Variants in SRGAP2 observed in about 807,000 individuals in gnomAD.
The protein encoded by SRGAP2 is SLIT-ROBO Rho GTPase-activating protein 2.
Under a neutral mutation model 57.2 loss-of-function variants are expected in SRGAP2, and 15 were observed. The observed-to-expected ratio is 0.26, with a 90% CI of 0.18 to 0.40. SRGAP2 has a LOEUF of 0.40. SRGAP2 is among the 10% of genes least tolerant of loss of function. SRGAP2 has a pLI of 1.00. For synonymous variants in SRGAP2, 249 were observed against 248.0 expected, an observed-to-expected ratio of 1.00 and a Z score of -0.04; for missense variants, 520 against 669.6, an observed-to-expected ratio of 0.78 and a Z score of 2.47.
intron 21 of SRGAP2, among the ~76,000 whole-genome samples, chr1:206,457,438 G>T (rs1663933356): frequency 6.6e-6 from 1 of 152,208 alleles, no homozygotes; most frequent in Non-Finnish European, 1.5e-5. Flanking sequence ...CATTCTTCCT[G>T]CAACTGGAGT....
At chr1:206,278,693 C>A (rs1179708458) in intron 2 of SRGAP2, among the ~76,000 whole-genome samples, 34 of 149,156 alleles carry the variant, frequency 2.3e-4, no homozygotes, top group Middle Eastern at 3.5e-3. Flanking sequence ...GGGTAGGGAG[C>A]TTTTAGATGA....
Position 206,240,265 on chromosome 1 carries a change from CAA to C in SRGAP2, c.67+34247_67+34248del, listed in dbSNP as rs72152960. Among the ~76,000 whole-genome samples the C allele has an allele frequency of 2.2e-3, 187 of 84,086 alleles. 1 individual carries two copies. The highest frequency in any genetic ancestry group is 4.0e-3 in the Admixed American group (31 of 7,722). The allele number at this position is 84,086 out of a possible 152,430, so 55.2% of individuals were successfully genotyped here. A position where few individuals can be genotyped will look rare whatever the true frequency, so the allele number is the denominator to read the frequency against. Reference sequence around the variant, plus strand: ...TGGGCAACAGAGTGAGACAACGTCTCAAAAAAAAAAAAAAAAAAAAGACATTG... The same window carrying C: ...TGGGCAACAGAGTGAGACAACGTCTCAAAAAAAAAAAAAAAAAAGACATTG... On this transcript the variant is annotated intron_variant, in intron 2 of 22. Coordinates refer to ENST00000573034, the MANE Select transcript of SRGAP2 (RefSeq NM_015326.5).
intron 15 of SRGAP2, 159 bp from the exon 16 acceptor site, chr1:206,437,805 A>G (rs1661903372): frequency 3.2e-6 from 2 of 627,126 alleles, no homozygotes; most frequent in South Asian, 1.9e-5. Context: ...TCTTTGCTTT[A>G]TCTGTTCCCT....
chr1:206,425,040 T>C (rs1415737436), intron 13 of SRGAP2, among the ~76,000 whole-genome samples: 1 of 152,216 alleles, frequency 6.6e-6, no homozygotes, highest in Non-Finnish European at 1.5e-5. Flanking sequence ...GCCAACCCTT[T>C]GTACTTGCCT....
chr1:206,299,854 TTCCTTC>T (rs1369900627), intron 2 of SRGAP2, among the ~76,000 whole-genome samples: 2 of 151,722 alleles, frequency 1.3e-5, no homozygotes, highest in African/African-American at 2.4e-5. Flanking sequence ...TCTCCTCCTT[TTCCTTC>T]TCCTTCTCCA....
intron 20 of SRGAP2, 98 bp downstream of exon 20, chr1:206,453,478 C>G (rs1003246074): frequency 4.2e-6 from 2 of 477,138 alleles, no homozygotes; most frequent in African/African-American, 4.1e-5. Context: ...GGAGGCCAAC[C>G]CCTGGGGGGT....
chr1:206,292,768 G>A (rs1423560199), intron 2 of SRGAP2, among the ~76,000 whole-genome samples: 3 of 150,392 alleles, frequency 2.0e-5, no homozygotes, highest in African/African-American at 7.5e-5. Context: ...CTTCCTAACT[G>A]CCATCTATAA....
intron 1 of SRGAP2, chr1:206,204,140 A>G (rs1665647343): frequency 2.2e-6 from 1 of 450,092 alleles, no homozygotes. Flanking sequence ...GCCCCGATGG[A>G]CTTCTCTTCG....
chr1:206,443,828 T>A (rs565629547), intron 17 of SRGAP2, among the ~76,000 whole-genome samples: 1 of 152,244 alleles, frequency 6.6e-6, no homozygotes, highest in Non-Finnish European at 1.5e-5. Flanking sequence ...ATGTGAATTT[T>A]TCTGGGGAGA....
intron 2 of SRGAP2, among the ~76,000 whole-genome samples, chr1:206,277,918 G>T (rs1258626120): frequency 3.2e-4 from 48 of 151,970 alleles, no homozygotes; most frequent in Admixed American, 4.6e-4. Flanking sequence ...GTCAGGGTTT[G>T]CAGTGAGCCA....
At chr1:206,253,928 G>A in intron 2 of SRGAP2, among the ~76,000 whole-genome samples, 1 of 142,176 alleles carries the variant, frequency 7.0e-6, no homozygotes, top group African/African-American at 2.7e-5. Flanking sequence ...AATTATGACT[G>A]CAAAGGAAGT....
chr1:206,425,071 A>C (rs1382572430), intron 13 of SRGAP2, among the ~76,000 whole-genome samples: 2 of 152,050 alleles, frequency 1.3e-5, no homozygotes, highest in African/African-American at 2.4e-5. Flanking sequence ...CTGATATTCC[A>C]TTTCCTGCAG....
intron 2 of SRGAP2, among the ~76,000 whole-genome samples, chr1:206,239,367 T>G (rs1328834356): frequency 1.3e-5 from 2 of 150,642 alleles, no homozygotes; most frequent in African/African-American, 4.9e-5. Context: ...CCTTCTTTAG[T>G]CCCCCTTCCC....
intron 22 of SRGAP2, 98 bp from the exon 23 acceptor site, chr1:206,460,939 G>T: frequency 1.7e-6 from 1 of 603,942 alleles, no homozygotes. Flanking sequence ...GACATCTTAC[G>T]GTCATTTTCT....
chr1:206,241,231 TGA>T (rs1668207115), intron 2 of SRGAP2, among the ~76,000 whole-genome samples: 1 of 152,192 alleles, frequency 6.6e-6, no homozygotes, highest in Non-Finnish European at 1.5e-5. Context: ...GAAATGGGTT[TGA>T]GAGAGAAGAA....
intron 4 of SRGAP2, among the ~76,000 whole-genome samples, chr1:206,376,959 G>A (rs1389386157): frequency 6.6e-6 from 1 of 151,738 alleles, no homozygotes; most frequent in African/African-American, 2.4e-5. Context: ...TTTAAACTTT[G>A]ATCTCATTGA....
At position 206,319,278 on chromosome 1, in the gene SRGAP2, G is replaced by A. The variant is rs1449262186; in HGVS notation, c.260+15805G>A. Among the ~76,000 whole-genome samples, 7 of 147,516 alleles carry A rather than the reference G, an allele frequency of 4.7e-5. 1 individual carries two copies. The highest frequency in any genetic ancestry group is 1.9e-4 in the African/African-American group (7 of 37,250). ...TACAAAAAATTATCCGGGTGTGGTG[G>A]CGGGTGCCTGTCGTCCCACCTACTC... On this transcript the variant is annotated intron_variant, in intron 3 of 22. Coordinates refer to ENST00000573034, the MANE Select transcript of SRGAP2 (RefSeq NM_015326.5).
intron 2 of SRGAP2, among the ~76,000 whole-genome samples, chr1:206,228,325 G>A (rs1451080683): frequency 6.9e-6 from 1 of 145,894 alleles, no homozygotes; most frequent in Non-Finnish European, 1.5e-5. Flanking sequence ...GGCTAAGACA[G>A]TTTTCTACCA....
intron 2 of SRGAP2, among the ~76,000 whole-genome samples, chr1:206,285,725 C>T (rs1459078998): frequency 4.6e-4 from 70 of 152,156 alleles, no homozygotes; most frequent in Middle Eastern, 3.4e-3. Context: ...TGGAGTGCAG[C>T]GGTGTGATCT....
Sources: gnomAD v4.1 joint callset for allele counts (sites outside exome capture counted in the v4.1 genomes callset) on GRCh38, gnomAD v4.1.1 for gene constraint, MANE v1.5 for transcripts, NCBI Gene and HGNC (gene_info 2026-07-23, HGNC 2026-07-21) for gene names.